The following KDM6A variants were observed in gnomAD, a reference collection of about 807,000 sequenced individuals.
The protein encoded by KDM6A is lysine-specific demethylase 6A.
In KDM6A, 11 loss-of-function variants were observed where a neutral mutation model predicts 117.6. The observed-to-expected ratio is 0.09, with a 90% CI of 0.06 to 0.15. The LOEUF (loss-of-function observed/expected upper bound fraction) is 0.15. Among genes scored for constraint, KDM6A ranks in the 10% least tolerant of loss-of-function variants. The probability of loss-of-function intolerance (pLI) is 1.00; values close to 1 mark genes in which losing one functional copy is unlikely to be tolerated. For synonymous variants in KDM6A, 384 were observed against 396.1 expected (o/e 0.97, Z 0.36); for missense variants, 799 against 1,077.3 (o/e 0.74, Z 3.62).
chrX:45,077,083 TA>T (rs1602914475), intron 19 of KDM6A, among the ~76,000 whole-genome samples: 1 of 110,489 alleles, frequency 9.1e-6, no homozygotes, highest in Admixed American at 9.7e-5. Flanking sequence ...TGAGCAGCGT[TA>T]GGAAAAAGCT....
chrX:45,081,634 G>A (rs1380694657), intron 21 of KDM6A, among the ~76,000 whole-genome samples: 1 of 111,534 alleles, frequency 9.0e-6, no homozygotes, highest in African/African-American at 3.3e-5. Flanking sequence ...AGATTGGGAT[G>A]CCCTAGGCCT....
chrX:44,905,099 T>C (rs1375065777), intron 2 of KDM6A, among the ~76,000 whole-genome samples: 1 of 112,290 alleles, frequency 8.9e-6, no homozygotes, highest in East Asian at 2.8e-4. Context: ...TGTTTTGTTA[T>C]CAATTTTAAA....
intron 2 of KDM6A, among the ~76,000 whole-genome samples, chrX:44,895,757 T>C (rs978427757): frequency 5.5e-5 from 6 of 109,713 alleles, no homozygotes; most frequent in Non-Finnish European, 7.6e-5. Flanking sequence ...TATTTAGTAG[T>C]GTGTTAAGTT....
At chrX:44,885,719 A>G (rs2146550784) in intron 2 of KDM6A, among the ~76,000 whole-genome samples, 1 of 110,359 alleles carries the variant, frequency 9.1e-6, no homozygotes, top group African/African-American at 3.3e-5. Context: ...AAATACAAAA[A>G]AAATTAGCCG....
intron 4 of KDM6A, among the ~76,000 whole-genome samples, chrX:44,982,780 T>C (rs1011235299): frequency 8.9e-5 from 10 of 111,913 alleles, no homozygotes; most frequent in Non-Finnish European, 1.9e-4. Flanking sequence ...TATGGTCTTA[T>C]TTTTTCATCA....
intron 8 of KDM6A, among the ~76,000 whole-genome samples, chrX:45,041,340 C>T (rs1466425950): frequency 1.1e-5 from 1 of 93,085 alleles, no homozygotes; most frequent in Non-Finnish European, 2.2e-5. Context: ...GGCGACTGGC[C>T]GGGCAGAGGG....
intron 2 of KDM6A, among the ~76,000 whole-genome samples, chrX:44,922,630 A>C (rs1440715694): frequency 9.0e-6 from 1 of 110,724 alleles, no homozygotes; most frequent in African/African-American, 3.3e-5. Flanking sequence ...CACCAGGCCC[A>C]GCTAAGTTTT....
At chrX:45,100,715 CTTCAAT>C (rs956886956) in intron 27 of KDM6A, among the ~76,000 whole-genome samples, 2 of 111,315 alleles carry the variant, frequency 1.8e-5, no homozygotes, top group Non-Finnish European at 3.8e-5. Flanking sequence ...AATAAATTCT[CTTCAAT>C]TTCAACAGTG....
intron 2 of KDM6A, among the ~76,000 whole-genome samples, chrX:44,921,937 C>T (rs958337908): frequency 2.9e-5 from 3 of 102,544 alleles, no homozygotes; most frequent in Non-Finnish European, 5.9e-5. Flanking sequence ...ACCCAGTTTC[C>T]TTGTATACTT....
intron 4 of KDM6A, among the ~76,000 whole-genome samples, chrX:44,992,217 T>C (rs2040634100): frequency 2.0e-5 from 1 of 50,620 alleles, no homozygotes; most frequent in Non-Finnish European, 3.1e-5. Flanking sequence ...TTTTTTTTTT[T>C]TTTTTTTTTT....
chrX:45,007,110 G>A (rs2041532831), intron 4 of KDM6A, among the ~76,000 whole-genome samples: 1 of 111,601 alleles, frequency 9.0e-6, no homozygotes, highest in African/African-American at 3.3e-5. Context: ...ACAGTTTTTT[G>A]GGATTCTCAA....
chrX:44,926,352 C>T (rs1023398380), intron 2 of KDM6A, among the ~76,000 whole-genome samples: 1 of 111,108 alleles, frequency 9.0e-6, no homozygotes, highest in Non-Finnish European at 1.9e-5. Flanking sequence ...GGGTTGATTG[C>T]GGGTGTGAAC....
intron 15 of KDM6A, 29 bp downstream of exon 15, chrX:45,061,448 T>A: frequency 1.2e-6 from 1 of 815,166 alleles, no homozygotes; most frequent in Non-Finnish European, 1.8e-6. Context: ...ACAAATTGTT[T>A]ATTAAAAAGG....
At chrX:44,921,670 A>G (rs904033519) in intron 2 of KDM6A, among the ~76,000 whole-genome samples, 11 of 111,370 alleles carry the variant, frequency 9.9e-5, no homozygotes, top group Admixed American at 7.7e-4. Context: ...GTTATATTCT[A>G]TGGTTATGGA....
chrX:44,889,067 G>C (rs1046044364), intron 2 of KDM6A, among the ~76,000 whole-genome samples: 1 of 111,884 alleles, frequency 8.9e-6, no homozygotes, highest in Non-Finnish European at 1.9e-5. Context: ...CCAGGCTGGA[G>C]TGCAGTGGCA....
intron 2 of KDM6A, among the ~76,000 whole-genome samples, chrX:44,924,483 A>G (rs1272462873): frequency 8.9e-6 from 1 of 112,145 alleles, no homozygotes; most frequent in Admixed American, 9.4e-5. Flanking sequence ...AGCAACCTTT[A>G]GTCTTGGGCT....
At chrX:45,006,027 T>C (rs1226095510) in intron 4 of KDM6A, among the ~76,000 whole-genome samples, 1 of 66,587 alleles carries the variant, frequency 1.5e-5, no homozygotes, top group Non-Finnish European at 2.8e-5. Context: ...CCCGGCTTTC[T>C]TACCTTGGTC....
At chrX:44,895,366 C>T (rs1280862022) in intron 2 of KDM6A, among the ~76,000 whole-genome samples, 1 of 108,496 alleles carries the variant, frequency 9.2e-6, no homozygotes, top group East Asian at 2.9e-4. Context: ...GATCTGCCCG[C>T]CTCGGCCTCC....
intron 27 of KDM6A, among the ~76,000 whole-genome samples, chrX:45,104,822 A>C (rs768710161): frequency 8.9e-6 from 1 of 112,285 alleles, no homozygotes; most frequent in East Asian, 2.8e-4. Flanking sequence ...ATAAAATATA[A>C]ATTCTGGAGC....
Sources: allele counts gnomAD v4.1 joint callset (sites outside exome capture counted in the v4.1 genomes callset), GRCh38; gene constraint gnomAD v4.1.1; transcripts MANE v1.5; gene names NCBI Gene and HGNC (gene_info 2026-07-23, HGNC 2026-07-21).